The following SGCZ variants were observed in gnomAD, a reference collection of about 807,000 sequenced individuals.
SGCZ encodes the protein zeta-sarcoglycan.
Under a neutral mutation model 41.3 loss-of-function variants are expected in SGCZ, and 40 were observed. That is an observed-to-expected ratio of 0.97 (90% confidence interval 0.75 to 1.26). The LOEUF is 1.26. Among genes scored for constraint, SGCZ ranks in the 50% most tolerant of loss-of-function variants. The probability of loss-of-function intolerance (pLI) is 0.00; values close to 1 mark genes in which losing one functional copy is unlikely to be tolerated. For missense variants in SGCZ, 552 were observed against 369.8 expected (o/e 1.49, Z -4.04); for synonymous variants, 206 against 137.5 (o/e 1.50, Z -3.49).
intron 1 of SGCZ, among the ~76,000 whole-genome samples, chr8:14,801,038 A>C (rs968741535): frequency 6.6e-6 from 1 of 152,222 alleles, no homozygotes; most frequent in African/African-American, 2.4e-5. Flanking sequence ...TTCAATTATG[A>C]GTGTTTCTGA....
At chr8:14,177,820 G>C (rs1245697817) in intron 4 of SGCZ, among the ~76,000 whole-genome samples, 1 of 151,274 alleles carries the variant, frequency 6.6e-6, no homozygotes, top group Admixed American at 6.6e-5. Flanking sequence ...CACTGCGCCC[G>C]GCCCTCTGTT....
intron 1 of SGCZ, among the ~76,000 whole-genome samples, chr8:15,100,236 T>G (rs1335477522): frequency 2.0e-5 from 3 of 152,204 alleles, no homozygotes; most frequent in South Asian, 2.1e-4. Flanking sequence ...CTGGAACTGT[T>G]AAGTAATTAT....
At chr8:15,185,481 C>G (rs1040306533) in intron 1 of SGCZ, among the ~76,000 whole-genome samples, 4 of 152,154 alleles carry the variant, frequency 2.6e-5, no homozygotes, top group Non-Finnish European at 4.4e-5. Flanking sequence ...TATGTTCCTA[C>G]TTGTTTACTC....
chr8:14,507,787 T>TC (rs397964898), intron 2 of SGCZ, among the ~76,000 whole-genome samples: 3 of 151,234 alleles, frequency 2.0e-5, no homozygotes, highest in Middle Eastern at 3.2e-3. Flanking sequence ...TTTTTTTTTT[T>TC]CGAGATGGAG....
At chr8:14,725,612 G>A (rs1266341272) in intron 1 of SGCZ, among the ~76,000 whole-genome samples, 2 of 152,160 alleles carry the variant, frequency 1.3e-5, no homozygotes, top group African/African-American at 2.4e-5. Context: ...ATAACAATGT[G>A]AAGGCAAATT....
At chr8:14,387,028 T>C (rs1804601569) in intron 2 of SGCZ, among the ~76,000 whole-genome samples, 1 of 152,234 alleles carries the variant, frequency 6.6e-6, no homozygotes, top group African/African-American at 2.4e-5. Flanking sequence ...AGGAAGGCTA[T>C]GCTGAATGGA....
chr8:14,815,285 G>A (rs1388362654), intron 1 of SGCZ, among the ~76,000 whole-genome samples: 2 of 151,084 alleles, frequency 1.3e-5, no homozygotes, highest in African/African-American at 4.9e-5. Flanking sequence ...AAAATAGAAG[G>A]CAAAGAAAAA....
intron 2 of SGCZ, among the ~76,000 whole-genome samples, chr8:14,425,657 A>G (rs1799761364): frequency 6.6e-6 from 1 of 151,958 alleles, no homozygotes; most frequent in Non-Finnish European, 1.5e-5. Flanking sequence ...AAAGAAAAGT[A>G]CATCTTACAA....
At chr8:14,688,779 A>G (rs973186150) in intron 1 of SGCZ, among the ~76,000 whole-genome samples, 6 of 152,044 alleles carry the variant, frequency 3.9e-5, no homozygotes, top group African/African-American at 1.4e-4. Flanking sequence ...CAGGCAGGAG[A>G]AGGAAATAAA....
At chr8:14,819,005 A>G (rs976322516) in intron 1 of SGCZ, among the ~76,000 whole-genome samples, 3 of 152,140 alleles carry the variant, frequency 2.0e-5, no homozygotes, top group African/African-American at 7.2e-5. Context: ...ATTTCTGAAA[A>G]CATTCTATGT....
chr8:14,113,419 T>G (rs1802432428), intron 5 of SGCZ, among the ~76,000 whole-genome samples: 1 of 152,236 alleles, frequency 6.6e-6, no homozygotes, highest in South Asian at 2.1e-4. Context: ...TGCTTACGTT[T>G]CAGGCCAAAA....
chr8:14,691,691 G>C (rs577961736), intron 1 of SGCZ, among the ~76,000 whole-genome samples: 1 of 152,010 alleles, frequency 6.6e-6, no homozygotes. Flanking sequence ...GTAAGAATAT[G>C]AGTTATGTTA....
chr8:14,828,002 C>T (rs896413427), intron 1 of SGCZ, among the ~76,000 whole-genome samples: 1 of 152,198 alleles, frequency 6.6e-6, no homozygotes, highest in Admixed American at 6.5e-5. Context: ...ACTCGTACTA[C>T]TTGTTTAACA....
At chr8:14,927,159 A>C (rs1799781129) in intron 1 of SGCZ, among the ~76,000 whole-genome samples, 1 of 120,640 alleles carries the variant, frequency 8.3e-6, no homozygotes, top group South Asian at 2.6e-4. Context: ...CCCAGGCTGG[A>C]GTGCAATGGC....
In SGCZ at chr8:14,899,786, G is replaced by A. The variant is rs530711487; in HGVS notation, c.39+337799C>T. On this transcript the variant is annotated intron_variant, in intron 1 of 7. Coordinates refer to ENST00000382080, the MANE Select transcript of SGCZ (RefSeq NM_139167.4). Reference sequence around the variant, plus strand: ...GGAGAGAAGGGAGAAAAGACAGAGGGAGGAATACAGGAAGGGAGAAAAGTG... The same window carrying A: ...GGAGAGAAGGGAGAAAAGACAGAGGAAGGAATACAGGAAGGGAGAAAAGTG... Among the ~76,000 whole-genome samples the A allele has an allele frequency of 2.7e-3, 416 of 152,112 alleles. 3 individuals are homozygous for A. The highest frequency in any genetic ancestry group is 9.7e-3 in the African/African-American group (401 of 41,504).
chr8:14,388,580 G>C (rs10100855), intron 2 of SGCZ, among the ~76,000 whole-genome samples: 1 of 151,726 alleles, frequency 6.6e-6, no homozygotes, highest in Non-Finnish European at 1.5e-5. Context: ...TTTATGGTAC[G>C]AGAACTTCAA....
intron 2 of SGCZ, among the ~76,000 whole-genome samples, chr8:14,417,095 C>G (rs140276605): frequency 6.6e-6 from 1 of 151,868 alleles, no homozygotes; most frequent in East Asian, 1.9e-4. Flanking sequence ...GGACGTTATT[C>G]TATGCTCAAC....
intron 2 of SGCZ, among the ~76,000 whole-genome samples, chr8:14,484,067 G>A (rs1801607750): frequency 1.3e-5 from 2 of 151,292 alleles, no homozygotes; most frequent in South Asian, 4.1e-4. Flanking sequence ...GACATCACAT[G>A]TTACTTTATT....
chr8:14,330,417 G>A (rs930082861), intron 2 of SGCZ, among the ~76,000 whole-genome samples: 11 of 151,934 alleles, frequency 7.2e-5, no homozygotes, highest in Admixed American at 2.0e-4. Context: ...AAAACTGAAA[G>A]TAATCTTTAG....
Sources: allele counts gnomAD v4.1 joint callset (sites outside exome capture counted in the v4.1 genomes callset), GRCh38; gene constraint gnomAD v4.1.1; transcripts MANE v1.5; gene names NCBI Gene and HGNC (gene_info 2026-07-23, HGNC 2026-07-21).